ZNF732: variants seen among roughly 807,000 people sequenced by gnomAD.
ZNF732 encodes zinc finger protein 732.
A neutral mutation model predicts 11.5 loss-of-function variants in ZNF732; 12 were observed. The observed-to-expected ratio is 1.05, with a 90% confidence interval of 0.67 to 1.70. The LOEUF (loss-of-function observed/expected upper bound fraction) is 1.70. Ranked by LOEUF, ZNF732 falls within the 40% of genes most tolerant of loss-of-function variation. The pLI is 0.00. For synonymous variants in ZNF732, 231 were observed against 236.5 expected (o/e 0.98, Z 0.21); for missense variants, 702 against 676.9 (o/e 1.04, Z -0.41).
chr4:305,249 TTTCCCGCCGG>T, intron 1 of ZNF732, 49 bp downstream of exon 1: 1 of 1,578,170 alleles, frequency 6.3e-7, no homozygotes, highest in South Asian at 1.1e-5. Context: ...GCCGCCGCCA[TTTCCCGCCGG>T]TTCGGATGAG....
intron 3 of ZNF732, among the ~76,000 whole-genome samples, chr4:290,220 G>C (rs1196379217): frequency 6.6e-6 from 1 of 152,178 alleles, no homozygotes; most frequent in Non-Finnish European, 1.5e-5. Context: ...AAGATCAAGG[G>C]GGGTTACTTG....
At chr4:299,435 G>A (rs1413993790) in intron 1 of ZNF732, among the ~76,000 whole-genome samples, 11 of 95,446 alleles carry the variant, frequency 1.2e-4, no homozygotes, top group Middle Eastern at 7.8e-3. Context: ...ACACATATGT[G>A]TATATATATA....
chr4:303,288 G>A lies in ZNF732; in HGVS notation c.3+2020C>T, dbSNP rs111677123. Among the ~76,000 whole-genome samples, 1,201 of 152,186 alleles carry A rather than the reference G, an allele frequency of 7.9e-3. 26 individuals carry two copies. The highest frequency in any genetic ancestry group is 0.027 in the African/African-American group (1,121 of 41,486). On this transcript the variant is annotated intron_variant, in intron 1 of 3. Coordinates refer to ENST00000419098, the MANE Select transcript of ZNF732 (RefSeq NM_001137608.3). Reference sequence around the variant, plus strand: ...GAAAATCTAGCCCCTTCTTCGGGCCGAGAGAACTTTGAGCGTTAGCCGTCT... The same window carrying A: ...GAAAATCTAGCCCCTTCTTCGGGCCAAGAGAACTTTGAGCGTTAGCCGTCT...
intron 3 of ZNF732, among the ~76,000 whole-genome samples, chr4:287,355 G>A (rs1553840727): frequency 6.7e-6 from 1 of 149,752 alleles, no homozygotes; most frequent in Admixed American, 6.7e-5. Flanking sequence ...GCTGGGATTA[G>A]AGGTGTGTGC....
rs576377626 is a variant in ZNF732, at chr4:284,252, G to C, written c.226+11186C>G. Among the ~76,000 whole-genome samples, 19 of 151,880 alleles carry C rather than the reference G, an allele frequency of 1.3e-4. No homozygotes were observed. In the South Asian group the frequency reaches 1.9e-3, roughly 15 times the overall value. On this transcript the variant is annotated intron_variant, in intron 3 of 3. Transcript: ENST00000419098. ...TTTTAAATTACAATTTTATAAATGA[G>C]AAATCAATAGCAGAGTGAACATTGA...
intron 3 of ZNF732, among the ~76,000 whole-genome samples, chr4:288,808 C>T (rs1371189940): frequency 6.6e-6 from 1 of 152,156 alleles, no homozygotes; most frequent in Non-Finnish European, 1.5e-5. Flanking sequence ...AATCCCAGCA[C>T]TTTGGGAGGC....
In ZNF732 at chr4:270,941, T is replaced by C. The variant is rs1303665840; in HGVS notation, c.*158A>G. 4 of 786,584 alleles carry C rather than the reference T, an allele frequency of 5.1e-6. No homozygotes were observed. The East Asian group carries it at 1.0e-4, about 20-fold the overall frequency. 48.7% of individuals were successfully genotyped at this position (786,584 alleles called of 1,614,324 possible). Reference sequence around the variant, plus strand: ...CCACATTCTTTACATTTGTAGGGTTTTTCTCCAGTATGAATTCTTACTTTC... The same window carrying C: ...CCACATTCTTTACATTTGTAGGGTTCTTCTCCAGTATGAATTCTTACTTTC... On this transcript the variant is annotated 3_prime_UTR_variant, in exon 4 of 4. Transcript: ENST00000419098.
chr4:292,084 A>G (rs1553841396), intron 3 of ZNF732, among the ~76,000 whole-genome samples: 1 of 152,178 alleles, frequency 6.6e-6, no homozygotes. Context: ...ACACTTCAAT[A>G]TAAGATAAAA....
intron 3 of ZNF732, among the ~76,000 whole-genome samples, chr4:288,388 CA>C (rs1379897653): frequency 6.6e-6 from 1 of 152,170 alleles, no homozygotes; most frequent in African/African-American, 2.4e-5. Flanking sequence ...TCTTACATTT[CA>C]ATATTTAACT....
intron 3 of ZNF732, among the ~76,000 whole-genome samples, chr4:288,623 T>G (rs1719779397): frequency 6.6e-6 from 1 of 152,260 alleles, no homozygotes; most frequent in Non-Finnish European, 1.5e-5. Context: ...AATACCTCAC[T>G]GTTTTTATTT....
rs1553837601 is a variant in ZNF732 at position 271,820 on chromosome 4, G to T, written c.1037C>A (p.Ser346Tyr). Residue 346 changes from serine to tyrosine, a missense_variant, in exon 4 of 4, where the codon TCC (serine) becomes TAC (tyrosine). Ser to Tyr is a moderately radical substitution (Grantham distance 144). Transcript: ENST00000419098. ...CEECGKAFSR[S>Y]SVLNEHKRIH... Reference sequence around the variant, plus strand: ...TCTCTTATGTTCATTCAGAACTGAGGACCTACTAAAGGCTTTGCCACATTC... The same window carrying T: ...TCTCTTATGTTCATTCAGAACTGAGTACCTACTAAAGGCTTTGCCACATTC... 1.2e-6 allele frequency: 2 copies of T among 1,612,834 alleles called. No homozygotes were observed. Among genetic ancestry groups the T allele is most frequent in the Non-Finnish European group, 1.7e-6 (2 of 1,179,562 alleles).
chr4:305,224 C>A, intron 1 of ZNF732, 84 bp downstream of exon 1: 7 of 1,525,296 alleles, frequency 4.6e-6, no homozygotes, highest in Non-Finnish European at 5.3e-6. Context: ...AGACTCCGTT[C>A]GCAGACTCCG....
intron 3 of ZNF732, among the ~76,000 whole-genome samples, chr4:284,713 A>C (rs1193124857): frequency 6.6e-6 from 1 of 151,780 alleles, no homozygotes; most frequent in Non-Finnish European, 1.5e-5. Context: ...TCTACTAAAA[A>C]TACAAAAATT....
At chr4:299,457 A>ATATACACATATG (rs1560165262) in intron 1 of ZNF732, among the ~76,000 whole-genome samples, 4 of 40,794 alleles carry the variant, frequency 9.8e-5, no homozygotes, top group Non-Finnish European at 2.3e-4. Context: ...ATATACACAT[A>ATATACACATATG]TGTGTATATA....
At chr4:278,354 GAC>G (rs1404677463) in intron 3 of ZNF732, among the ~76,000 whole-genome samples, 23 of 152,158 alleles carry the variant, frequency 1.5e-4, no homozygotes, top group African/African-American at 5.3e-4. Context: ...ATTTGCAAAA[GAC>G]AATTCCTGGA....
intron 3 of ZNF732, among the ~76,000 whole-genome samples, chr4:274,634 T>C (rs544019263): frequency 6.6e-6 from 1 of 151,746 alleles, no homozygotes; most frequent in South Asian, 2.1e-4. Flanking sequence ...CAGGAGTCAC[T>C]TGAGATGTAA....
intron 3 of ZNF732, among the ~76,000 whole-genome samples, chr4:279,489 C>T (rs1719573278): frequency 1.3e-5 from 2 of 150,626 alleles, no homozygotes; most frequent in Non-Finnish European, 3.0e-5. Flanking sequence ...TATAATTACA[C>T]CAATAAGAAT....
intron 3 of ZNF732, among the ~76,000 whole-genome samples, chr4:276,887 C>T: frequency 6.6e-6 from 1 of 151,514 alleles, no homozygotes; most frequent in Admixed American, 6.6e-5. Flanking sequence ...CAGCTGGAAG[C>T]ATCACACTAC....
chr4:283,881 A>T (rs1033004707), intron 3 of ZNF732, among the ~76,000 whole-genome samples: 20 of 152,210 alleles, frequency 1.3e-4, no homozygotes, highest in African/African-American at 4.3e-4. Context: ...TTCATTTTTT[A>T]AAAGACTGAA....
Sources: gnomAD v4.1 joint callset for allele counts (sites outside exome capture counted in the v4.1 genomes callset) on GRCh38, gnomAD v4.1.1 for gene constraint, MANE v1.5 for transcripts, NCBI Gene and HGNC (gene_info 2026-07-23, HGNC 2026-07-21) for gene names.